The following DKK2 variants were observed in gnomAD, a reference collection of about 807,000 sequenced individuals.
DKK2 encodes dickkopf Wnt signaling pathway inhibitor 2.
DKK2 carries 11 observed loss-of-function variants against 28.1 expected under a neutral mutation model. That is an observed-to-expected ratio of 0.39 (90% confidence interval 0.25 to 0.65). The LOEUF (loss-of-function observed/expected upper bound fraction) is 0.65. Among genes scored for constraint, DKK2 ranks in the 30% least tolerant of loss-of-function variants. The probability of loss-of-function intolerance (pLI) is 0.47; values close to 1 mark genes in which losing one functional copy is unlikely to be tolerated. For synonymous variants in DKK2, 135 were observed against 126.5 expected (o/e 1.07, Z -0.45); for missense variants, 326 against 335.5 (o/e 0.97, Z 0.22).
intron 1 of DKK2, among the ~76,000 whole-genome samples, chr4:106,961,945 C>T (rs1485857296): frequency 6.6e-6 from 1 of 152,090 alleles, no homozygotes; most frequent in African/African-American, 2.4e-5. Flanking sequence ...TTATGCTTGT[C>T]ATCAGGGCAA....
chr4:107,017,848 T>A (rs1578380056), intron 1 of DKK2, among the ~76,000 whole-genome samples: 1 of 152,108 alleles, frequency 6.6e-6, no homozygotes, highest in East Asian at 1.9e-4. Flanking sequence ...CATTTTTAAA[T>A]GCTTGCAGAC....
At position 107,035,609 on chromosome 4, in the gene DKK2, C is replaced by T. The variant is rs1723952858; in HGVS notation, c.-18G>A. 1 of 1,612,486 alleles carries T rather than the reference C, an allele frequency of 6.2e-7. No individual in the cohort carries two copies. Among genetic ancestry groups the T allele is most frequent in the South Asian group, 1.1e-5 (1 of 91,054 alleles). The stretch of plus-strand genomic sequence containing the variant: ...GCGGCCATCTCCCGGCGAGGGGGTC[C>T]CCAGGAAGACGCAAAGCCCGGAGGG... On this transcript the variant is annotated 5_prime_UTR_variant, in exon 1 of 4. Coordinates refer to ENST00000285311, the MANE Select transcript of DKK2 (RefSeq NM_014421.3).
chr4:107,008,528 A>G (rs80260209), intron 1 of DKK2, among the ~76,000 whole-genome samples: 2,945 of 152,156 alleles, frequency 0.019, 41 homozygotes, highest in Middle Eastern at 0.037. Flanking sequence ...TAGGAGAAAG[A>G]AAAAGCACCC....
intron 1 of DKK2, among the ~76,000 whole-genome samples, chr4:107,008,518 T>C (rs1191428834): frequency 6.6e-6 from 1 of 151,976 alleles, no homozygotes; most frequent in Non-Finnish European, 1.5e-5. Context: ...GAATTTTTAA[T>C]AGGAGAAAGA....
chr4:107,011,194 C>G (rs1287423526), intron 1 of DKK2, among the ~76,000 whole-genome samples: 2 of 151,366 alleles, frequency 1.3e-5, no homozygotes, highest in Non-Finnish European at 3.0e-5. Flanking sequence ...AATTTAGTTG[C>G]AATATGGAAT....
At chr4:107,018,333 A>C (rs1009665166) in intron 1 of DKK2, among the ~76,000 whole-genome samples, 2 of 152,084 alleles carry the variant, frequency 1.3e-5, no homozygotes, top group African/African-American at 4.8e-5. Flanking sequence ...GCAGAACATC[A>C]TCTGCTCAGC....
chr4:107,007,073 A>C, intron 1 of DKK2, among the ~76,000 whole-genome samples: 1 of 152,198 alleles, frequency 6.6e-6, no homozygotes, highest in South Asian at 2.1e-4. Flanking sequence ...AATGAATAAA[A>C]TAAATGGGTG....
At chr4:106,954,454 T>C (rs1722556830) in intron 1 of DKK2, among the ~76,000 whole-genome samples, 2 of 152,210 alleles carry the variant, frequency 1.3e-5, no homozygotes, top group African/African-American at 4.8e-5. Flanking sequence ...GATAACAATA[T>C]ATTCTTTAAT....
intron 1 of DKK2, among the ~76,000 whole-genome samples, chr4:106,937,628 C>G (rs1415112981): frequency 1.3e-5 from 2 of 151,730 alleles, no homozygotes; most frequent in Non-Finnish European, 2.9e-5. Flanking sequence ...TAATAGACAT[C>G]TACAGAACTC....
rs17037217 is a variant in DKK2 at position 107,017,792 on chromosome 4, T to A, written c.222+17578A>T. Among the ~76,000 whole-genome samples the A allele has an allele frequency of 5.2e-3, 792 of 152,022 alleles. 5 individuals are homozygous for A. The highest frequency in any genetic ancestry group is 0.018 in the African/African-American group (756 of 41,386). On this transcript the variant is annotated intron_variant, in intron 1 of 3. Transcript: ENST00000285311. Reference sequence around the variant, plus strand: ...AAATCTCCTTTTACTTTTACAGTTGTTTTGTCAAATGCTATGAAAAGTTTT... The same window carrying A: ...AAATCTCCTTTTACTTTTACAGTTGATTTGTCAAATGCTATGAAAAGTTTT...
At chr4:106,940,950 G>T (rs1182140189) in intron 1 of DKK2, among the ~76,000 whole-genome samples, 1 of 151,920 alleles carries the variant, frequency 6.6e-6, no homozygotes, top group Non-Finnish European at 1.5e-5. Context: ...ACACTCTGGG[G>T]ACTGTTGTGT....
At chr4:107,002,267 T>C (rs1242275554) in intron 1 of DKK2, among the ~76,000 whole-genome samples, 1 of 152,204 alleles carries the variant, frequency 6.6e-6, no homozygotes, top group African/African-American at 2.4e-5. Context: ...ATTAAAATCA[T>C]TTAAGTCTAC....
At chr4:106,967,924 G>A (rs1722807565) in intron 1 of DKK2, among the ~76,000 whole-genome samples, 2 of 147,728 alleles carry the variant, frequency 1.4e-5, no homozygotes, top group South Asian at 4.4e-4. Context: ...GATGGAGAGA[G>A]GGGTGGAAGG....
chr4:106,980,737 A>T (rs1723015449), intron 1 of DKK2, among the ~76,000 whole-genome samples: 1 of 152,186 alleles, frequency 6.6e-6, no homozygotes, highest in Admixed American at 6.5e-5. Flanking sequence ...GTGTAAAGGA[A>T]ATTAAATGCA....
intron 1 of DKK2, among the ~76,000 whole-genome samples, chr4:106,954,243 T>A (rs1216180416): frequency 6.6e-6 from 1 of 152,216 alleles, no homozygotes; most frequent in Non-Finnish European, 1.5e-5. Flanking sequence ...CAAGCTATTA[T>A]CTAAAAGTTC....
At chr4:107,031,716 T>C (rs1220266312) in intron 1 of DKK2, among the ~76,000 whole-genome samples, 2 of 152,034 alleles carry the variant, frequency 1.3e-5, no homozygotes, top group Non-Finnish European at 2.9e-5. Flanking sequence ...ATTAAATTCA[T>C]CTGCCCGTCT....
At position 107,035,581 on chromosome 4, in the gene DKK2, A is replaced by C. The variant is rs771483509; in HGVS notation, c.11T>G (p.Leu4Trp). 3 of 1,613,910 alleles carry C rather than the reference A, an allele frequency of 1.9e-6. No homozygotes were observed. The highest frequency in any genetic ancestry group is 1.7e-5 in the Admixed American group (1 of 60,008). The change falls in exon 1 of 4, where the codon TTG (leucine) becomes TGG (tryptophan). Residue 4 changes from leucine to tryptophan, a missense_variant. Coordinates refer to ENST00000285311, the MANE Select transcript of DKK2 (RefSeq NM_014421.3). Reference sequence around the variant, plus strand: ...GCAGGACGAATCCTTGCTCCGCATCAACGCGGCCATCTCCCGGCGAGGGGG... The same window carrying C: ...GCAGGACGAATCCTTGCTCCGCATCCACGCGGCCATCTCCCGGCGAGGGGG... MAA[L>W]MRSKDSSCCL...
chr4:107,005,719 A>T (rs1025845405), intron 1 of DKK2, among the ~76,000 whole-genome samples: 2 of 152,170 alleles, frequency 1.3e-5, no homozygotes, highest in East Asian at 1.9e-4. Context: ...TAAAATGAGG[A>T]GATTTTTATT....
At chr4:106,990,430 T>C (rs9685076) in intron 1 of DKK2, among the ~76,000 whole-genome samples, 7,787 of 152,280 alleles carry the variant, frequency 0.051, 319 homozygotes, top group African/African-American at 0.11. Flanking sequence ...GAGCCCCCTT[T>C]GAATTCCTTG....
Sources: gnomAD v4.1 joint callset for allele counts (sites outside exome capture counted in the v4.1 genomes callset) on GRCh38, gnomAD v4.1.1 for gene constraint, MANE v1.5 for transcripts, NCBI Gene and HGNC (gene_info 2026-07-23, HGNC 2026-07-21) for gene names.